ANO2: variants seen among roughly 807,000 people sequenced by gnomAD.
ANO2 encodes anoctamin 2.
A neutral mutation model predicts 124.2 loss-of-function variants in ANO2; 101 were observed. The observed-to-expected ratio is 0.81, with a 90% CI of 0.69 to 0.96. The LOEUF is 0.96. Ranked by LOEUF, ANO2 falls within the 40% of genes least tolerant of loss-of-function variation. The pLI, the probability that ANO2 is intolerant of heterozygous loss-of-function variation, is 0.00. For synonymous variants in ANO2, 486 were observed against 482.5 expected, an observed-to-expected ratio of 1.01 and a Z score of -0.09; for missense variants, 1,293 against 1,274.5, an observed-to-expected ratio of 1.01 and a Z score of -0.22.
intron 8 of ANO2, among the ~76,000 whole-genome samples, chr12:5,806,431 C>T (rs2137172782): frequency 6.6e-6 from 1 of 152,346 alleles, no homozygotes; most frequent in Admixed American, 6.5e-5. Context: ...GACATGCTCA[C>T]TCTGTCCGTA....
At chr12:5,748,166 C>A (rs193246415) in intron 11 of ANO2, among the ~76,000 whole-genome samples, 2 of 152,320 alleles carry the variant, frequency 1.3e-5, no homozygotes, top group African/African-American at 2.4e-5. Context: ...TCTATCGTTG[C>A]AGCATGTGCA....
chr12:5,658,850 T>C lies in ANO2; in HGVS notation c.1546-11049A>G, dbSNP rs1483045996. Among the ~76,000 whole-genome samples the C allele has an allele frequency of 6.6e-6, 1 of 152,112 alleles. No homozygotes were observed. Among genetic ancestry groups the C allele is most frequent in the African/African-American group, 2.4e-5 (1 of 41,414 alleles). On this transcript the variant is annotated intron_variant, in intron 14 of 24. Coordinates refer to ENST00000682330, the MANE Select transcript of ANO2 (RefSeq NM_001364791.2). The surrounding 1 kb of genome is among the most constrained non-coding windows in gnomAD (Gnocchi z 4.3). Reference sequence around the variant, plus strand: ...TCATCAGCAGCATCAATATTATCCTTGTCATCAATATCATCATCATCATCA... The same window carrying C: ...TCATCAGCAGCATCAATATTATCCTCGTCATCAATATCATCATCATCATCA...
intron 9 of ANO2, among the ~76,000 whole-genome samples, chr12:5,802,137 G>A (rs1353294369): frequency 6.6e-6 from 1 of 152,210 alleles, no homozygotes; most frequent in Non-Finnish European, 1.5e-5. Flanking sequence ...AAATGTCCCA[G>A]GAACCCTGTA....
At chr12:5,809,917 A>T (rs979561016) in intron 7 of ANO2, among the ~76,000 whole-genome samples, 1 of 152,222 alleles carries the variant, frequency 6.6e-6, no homozygotes, top group Non-Finnish European at 1.5e-5. Flanking sequence ...CCTCTTGTTC[A>T]TCGCCTTCCT....
intron 11 of ANO2, among the ~76,000 whole-genome samples, chr12:5,747,084 T>C (rs921788375): frequency 2.0e-5 from 3 of 152,182 alleles, no homozygotes; most frequent in Admixed American, 6.5e-5. Context: ...GGTTTTGATG[T>C]TGTGCCGTAG....
rs1326732942 is a variant in ANO2 at position 5,925,124 on chromosome 12, C to T, written c.23-2320G>A. 1.3e-5 allele frequency among the ~76,000 whole-genome samples: 2 copies of T among 152,130 alleles called. No homozygotes were observed. Among genetic ancestry groups the T allele is most frequent in the African/African-American group, 2.4e-5 (1 of 41,422 alleles). ...AACCTCTAGATGCATGTCTAAAAAG[C>T]CCAAGACCACTGGATACATCACTGG... On this transcript the variant is annotated intron_variant, in intron 1 of 24. Transcript: ENST00000682330. This position sits in a 1 kb window ranked among gnomAD's most constrained non-coding sequence, Gnocchi z 4.6.
intron 11 of ANO2, among the ~76,000 whole-genome samples, chr12:5,748,900 A>G (rs1286758832): frequency 6.8e-6 from 1 of 148,106 alleles, no homozygotes; most frequent in South Asian, 2.1e-4. Context: ...AAAACAAAAC[A>G]CTTGACAATT....
chr12:5,732,355 G>A lies in ANO2; in HGVS notation c.1545+165C>T, dbSNP rs73253244. 7.8e-3 allele frequency among the ~76,000 whole-genome samples: 1,186 copies of A among 152,182 alleles called. 25 individuals carry two copies. The highest frequency in any genetic ancestry group is 0.027 in the African/African-American group (1,124 of 41,526). On this transcript the variant is annotated intron_variant, in intron 14 of 24. Coordinates refer to ENST00000682330, the MANE Select transcript of ANO2 (RefSeq NM_001364791.2). Reference sequence around the variant, plus strand: ...GTCATAGAGAAAGCCCATTGCCCATGATCTCTGGCTGCAGGACAATGCGAG... The same window carrying A: ...GTCATAGAGAAAGCCCATTGCCCATAATCTCTGGCTGCAGGACAATGCGAG...
chr12:5,920,575 G>GT (rs1941642598), intron 3 of ANO2, among the ~76,000 whole-genome samples: 1 of 152,060 alleles, frequency 6.6e-6, no homozygotes, highest in Non-Finnish European at 1.5e-5. Flanking sequence ...AGAAAATCTG[G>GT]TTTCTCCAGG....
chr12:5,919,537 C>T (rs1941575995), intron 3 of ANO2, among the ~76,000 whole-genome samples: 1 of 151,000 alleles, frequency 6.6e-6, no homozygotes, highest in Non-Finnish European at 1.5e-5. Flanking sequence ...GGCAATAGCA[C>T]AAAGACCTGA....
At chr12:5,943,500 A>G (rs1405998038) in intron 1 of ANO2, among the ~76,000 whole-genome samples, 1 of 152,004 alleles carries the variant, frequency 6.6e-6, no homozygotes, top group Non-Finnish European at 1.5e-5. Flanking sequence ...GACTTTGGGG[A>G]CTCAGCGGGT....
chr12:5,771,967 A>C (rs1952095613), intron 10 of ANO2, among the ~76,000 whole-genome samples: 1 of 152,212 alleles, frequency 6.6e-6, no homozygotes, highest in South Asian at 2.1e-4. Context: ...TACATGTCAA[A>C]CAGTGATTAG....
chr12:5,878,411 G>A (rs1447509234), intron 3 of ANO2, among the ~76,000 whole-genome samples: 8 of 152,184 alleles, frequency 5.3e-5, no homozygotes, highest in East Asian at 1.9e-4. Context: ...CCCCTTGGGC[G>A]GGCACCAGTT....
chr12:5,706,507 C>A (rs1036391269), intron 14 of ANO2, among the ~76,000 whole-genome samples: 2 of 152,202 alleles, frequency 1.3e-5, no homozygotes, highest in African/African-American at 4.8e-5. Flanking sequence ...TCTGCTCAAA[C>A]ATGCCCTTAT....
intron 14 of ANO2, among the ~76,000 whole-genome samples, chr12:5,685,372 G>A (rs1352355353): frequency 2.6e-5 from 4 of 152,190 alleles, no homozygotes; most frequent in African/African-American, 9.7e-5. Context: ...GGAAGGATGG[G>A]AGGGGCAAGG....
At chr12:5,713,677 C>T (rs1287867654) in intron 14 of ANO2, among the ~76,000 whole-genome samples, 3 of 152,194 alleles carry the variant, frequency 2.0e-5, no homozygotes, top group Non-Finnish European at 4.4e-5. Context: ...CTGGGAACTC[C>T]TGGCTTGTTT....
At chr12:5,833,556 G>A (rs910390836) in intron 4 of ANO2, among the ~76,000 whole-genome samples, 11 of 152,110 alleles carry the variant, frequency 7.2e-5, no homozygotes, top group African/African-American at 2.2e-4. Context: ...CCCAATCCCC[G>A]GGGCCACAAA....
At chr12:5,568,924 C>T (rs931749928) in intron 23 of ANO2, among the ~76,000 whole-genome samples, 2 of 152,238 alleles carry the variant, frequency 1.3e-5, no homozygotes, top group African/African-American at 4.8e-5. Context: ...GGAGGGTCAA[C>T]GCCGAGTGCT....
At chr12:5,697,605 G>A (rs1240636450) in intron 14 of ANO2, among the ~76,000 whole-genome samples, 1 of 152,160 alleles carries the variant, frequency 6.6e-6, no homozygotes, top group Non-Finnish European at 1.5e-5. Flanking sequence ...CAGACAGTGG[G>A]TGCAGGACAG....
Sources: allele counts gnomAD v4.1 joint callset (sites outside exome capture counted in the v4.1 genomes callset), GRCh38; gene constraint gnomAD v4.1.1; non-coding constraint Gnocchi (gnomAD v3.1); transcripts MANE v1.5; gene names NCBI Gene and HGNC (gene_info 2026-07-23, HGNC 2026-07-21).